Variants in GLI2 observed in about 807,000 individuals in gnomAD.
The protein encoded by GLI2 is transcription activator GLI2.
Under a neutral mutation model 78.9 loss-of-function variants are expected in GLI2, and 22 were observed. The ratio of observed to expected loss-of-function variants is 0.28; its 90% CI spans 0.20 to 0.40. The LOEUF is 0.40. Among genes scored for constraint, GLI2 ranks in the 10% least tolerant of loss-of-function variants. GLI2 has a pLI of 1.00. For missense variants in GLI2, 2,097 were observed against 2,213.2 expected (o/e 0.95, Z 1.05); for synonymous variants, 974 against 963.7 (o/e 1.01, Z -0.20).
At chr2:120,806,084 G>C (rs1293042350) in intron 2 of GLI2, among the ~76,000 whole-genome samples, 2 of 152,154 alleles carry the variant, frequency 1.3e-5, no homozygotes, top group African/African-American at 4.8e-5. Context: ...ATGGGCCCCT[G>C]TTTCCTGCAT....
intron 1 of GLI2, among the ~76,000 whole-genome samples, chr2:120,758,792 G>A (rs1021535095): frequency 7.9e-5 from 12 of 152,238 alleles, no homozygotes; most frequent in Non-Finnish European, 1.3e-4. Context: ...CAGGCCAGCC[G>A]TGGGAGAGAC....
chr2:120,911,990 C>T (rs1678845563), intron 2 of GLI2, among the ~76,000 whole-genome samples: 2 of 152,120 alleles, frequency 1.3e-5, no homozygotes. Flanking sequence ...ATGGCAGGAC[C>T]TGGGGACCAC....
At chr2:120,881,224 A>C (rs748529480) in intron 2 of GLI2, among the ~76,000 whole-genome samples, 6 of 152,110 alleles carry the variant, frequency 3.9e-5, no homozygotes, top group Non-Finnish European at 8.8e-5. Flanking sequence ...CATAGTCAAC[A>C]CATCCCTGAA....
At position 120,989,089 on chromosome 2, in the gene GLI2, G is replaced by A. The variant is rs762818312; in HGVS notation, c.3124G>A (p.Asp1042Asn). ...GGCCGACCTGGGGCTGCCGGAGGAC[G>A]ACCTGGTGCTTCCAGACGACGTGGT... is the stretch of plus-strand genomic sequence containing the variant. ...PEADLGLPED[D>N]LVLPDDVVQY... is the part of the protein sequence containing the mutation. The change falls in exon 14 of 14, where the codon GAC becomes AAC. Residue 1042 changes from aspartate to asparagine, a missense_variant. Coordinates refer to ENST00000361492, the MANE Select transcript of GLI2 (RefSeq NM_001374353.1). 1 of 1,612,278 alleles carries A rather than the reference G, an allele frequency of 6.2e-7. No individual in the cohort carries two copies. The highest frequency in any genetic ancestry group is 1.7e-5 in the Admixed American group (1 of 60,022).
At position 120,797,431 on chromosome 2, in the gene GLI2, G is replaced by A; in HGVS notation, c.111G>A (p.Val37=). The A allele has an allele frequency of 6.2e-7, 1 of 1,614,012 alleles. No homozygotes were observed. Among genetic ancestry groups the A allele is most frequent in the Non-Finnish European group, 8.5e-7 (1 of 1,179,888 alleles). The part of the protein sequence containing the change: ...DPGKKASPLV[V]AAAAAAAVAA... ...GTAAAAAGGCCTCTCCTTTGGTGGT[G>A]GCTGCAGCGGCAGCAGCAGCGGTAG... The change falls in exon 2 of 14, where the codon GTG becomes GTA. Residue 37 remains valine, a synonymous_variant. Coordinates refer to ENST00000361492, the MANE Select transcript of GLI2 (RefSeq NM_001374353.1).
At chr2:120,755,564 G>C (rs991338935) in intron 1 of GLI2, among the ~76,000 whole-genome samples, 2 of 151,916 alleles carry the variant, frequency 1.3e-5, no homozygotes, top group Non-Finnish European at 2.9e-5. Context: ...AGTGTCTTTT[G>C]TAGACTAAAG....
chr2:120,810,090 G>A (rs1037191627), intron 2 of GLI2, among the ~76,000 whole-genome samples: 1 of 152,220 alleles, frequency 6.6e-6, no homozygotes, highest in African/African-American at 2.4e-5. Context: ...CTACTCTGCT[G>A]GGGGGAGCCA....
At chr2:120,841,285 C>CT (rs755822312) in intron 2 of GLI2, among the ~76,000 whole-genome samples, 2 of 152,200 alleles carry the variant, frequency 1.3e-5, no homozygotes, top group African/African-American at 2.4e-5. Flanking sequence ...CACTCACCAC[C>CT]TAAGCCCTCT....
chr2:120,755,421 CT>C (rs1290912520), intron 1 of GLI2, among the ~76,000 whole-genome samples: 1 of 151,938 alleles, frequency 6.6e-6, no homozygotes, highest in Non-Finnish European at 1.5e-5. Flanking sequence ...CTAAGAAAAT[CT>C]TTTGCTCAAT....
chr2:120,831,346 A>G (rs1314965208), intron 2 of GLI2, among the ~76,000 whole-genome samples: 2 of 152,214 alleles, frequency 1.3e-5, no homozygotes, highest in African/African-American at 4.8e-5. Context: ...AAACCCTCAC[A>G]GTGCAGGGTG....
chr2:120,844,251 A>G (rs555958636), intron 2 of GLI2, among the ~76,000 whole-genome samples: 44 of 152,360 alleles, frequency 2.9e-4, no homozygotes, highest in African/African-American at 1.0e-3. Flanking sequence ...CAAAAGCAGC[A>G]TAGATGGTAT....
At chr2:120,807,958 T>A (rs1422255614) in intron 2 of GLI2, among the ~76,000 whole-genome samples, 1 of 152,056 alleles carries the variant, frequency 6.6e-6, no homozygotes, top group Non-Finnish European at 1.5e-5. Context: ...AAGCCGCCCT[T>A]GGCTCTTTCC....
intron 3 of GLI2, among the ~76,000 whole-genome samples, chr2:120,946,706 G>A (rs943894214): frequency 6.6e-6 from 1 of 152,154 alleles, no homozygotes; most frequent in Admixed American, 6.5e-5. Flanking sequence ...TGGCTCAATC[G>A]TCTGCTCACT....
At chr2:120,930,767 C>T (rs1034113564) in intron 3 of GLI2, among the ~76,000 whole-genome samples, 1 of 152,246 alleles carries the variant, frequency 6.6e-6, no homozygotes, top group African/African-American at 2.4e-5. Context: ...GCCCTGGCTA[C>T]AGGCAGAGCC....
intron 2 of GLI2, among the ~76,000 whole-genome samples, chr2:120,820,504 G>T (rs1016044153): frequency 1.3e-5 from 2 of 152,210 alleles, no homozygotes; most frequent in Admixed American, 6.5e-5. Context: ...GCGGAGAGCT[G>T]CCTTGAGGCA....
At chr2:120,860,384 A>G (rs1440314272) in intron 2 of GLI2, among the ~76,000 whole-genome samples, 1 of 152,280 alleles carries the variant, frequency 6.6e-6, no homozygotes, top group East Asian at 1.9e-4. Context: ...CACTGTCCTC[A>G]GGTCCTGAGA....
intron 2 of GLI2, among the ~76,000 whole-genome samples, chr2:120,895,603 T>G (rs918666334): frequency 3.3e-5 from 5 of 152,108 alleles, no homozygotes; most frequent in African/African-American, 1.2e-4. Context: ...CTCGGGAGGC[T>G]GAGGCAGGAG....
At chr2:120,928,415 C>T (rs541202056) in intron 3 of GLI2, among the ~76,000 whole-genome samples, 1 of 152,314 alleles carries the variant, frequency 6.6e-6, no homozygotes, top group South Asian at 2.1e-4. Flanking sequence ...ATCCTTCACA[C>T]TGAGCGGGGG....
At chr2:120,736,911 C>T (rs982410201) in intron 1 of GLI2, among the ~76,000 whole-genome samples, 1 of 150,304 alleles carries the variant, frequency 6.7e-6, no homozygotes, top group Non-Finnish European at 1.5e-5. Context: ...TCCTCTCCTG[C>T]CCTCGGCCCT....
Sources: allele counts gnomAD v4.1 joint callset (sites outside exome capture counted in the v4.1 genomes callset), GRCh38; gene constraint gnomAD v4.1.1; transcripts MANE v1.5; gene names NCBI Gene and HGNC (gene_info 2026-07-23, HGNC 2026-07-21).